Variants in GRK7 observed in about 807,000 individuals in gnomAD.
GRK7 encodes G protein-coupled receptor kinase 7.
Under a neutral mutation model 34.1 loss-of-function variants are expected in GRK7, and 24 were observed. That is an observed-to-expected ratio of 0.70 (90% CI 0.51 to 0.99). The LOEUF is 0.99. Ranked by LOEUF, GRK7 falls within the 50% of genes least tolerant of loss-of-function variation. The probability of loss-of-function intolerance (pLI) is 0.00; values close to 1 mark genes in which losing one functional copy is unlikely to be tolerated. For synonymous variants in GRK7, 256 were observed against 279.4 expected (o/e 0.92, Z 0.84); for missense variants, 644 against 707.3 (o/e 0.91, Z 1.02).
intron 4 of GRK7, among the ~76,000 whole-genome samples, chr3:141,801,077 G>A (rs552055186): frequency 1.8e-4 from 28 of 152,112 alleles, no homozygotes; most frequent in East Asian, 1.2e-3. Flanking sequence ...TTGGGAGGCC[G>A]AGGCGGGCGG....
Position 141,778,112 on chromosome 3 carries a change from C to G in GRK7, c.-113-60C>G. The G allele has an allele frequency of 1.3e-6, 1 of 746,744 alleles. No individual in the cohort carries two copies. Among genetic ancestry groups the G allele is most frequent in the South Asian group, 2.2e-5 (1 of 45,524 alleles). 46.3% of individuals were successfully genotyped at this position (746,744 alleles called of 1,614,324 possible). ...GCAGTTCCTGGCGGGCTATACATAG[C>G]CAGTCAAAGCTTCTTACAAGAGAAA... On this transcript the variant is annotated intron_variant, in intron 2 of 5. Coordinates refer to ENST00000682958, the MANE Select transcript of GRK7 (RefSeq NM_139209.3). This position sits in a 1 kb window ranked among gnomAD's most constrained non-coding sequence, Gnocchi z 4.1.
intron 4 of GRK7, among the ~76,000 whole-genome samples, chr3:141,801,460 A>G (rs1171900130): frequency 3.3e-5 from 5 of 152,084 alleles, no homozygotes; most frequent in African/African-American, 1.2e-4. Context: ...GGGAAAAAAG[A>G]CAGAGGAGGA....
intron 3 of GRK7, among the ~76,000 whole-genome samples, chr3:141,779,625 A>G (rs75428511): frequency 0.055 from 8,392 of 152,176 alleles, 234 homozygotes; most frequent in South Asian, 0.12. Context: ...TGGGTAAGCA[A>G]CACCTCAATC....
At chr3:141,767,162 G>T (rs2677424) in intron 1 of GRK7, among the ~76,000 whole-genome samples, 117,030 of 152,184 alleles carry the variant, frequency 0.77, 45,925 homozygotes, top group African/African-American at 0.92. Context: ...TCACCCCTAT[G>T]AAAGCATGTG....
chr3:141,778,413 G>T lies in GRK7; in HGVS notation c.129G>T (p.Gln43His). The change falls in exon 3 of 6, where the codon CAG becomes CAT. Residue 43 changes from glutamine to histidine, a missense_variant. By Grantham distance (24) the Gln-to-His change is conservative. Transcript: ENST00000682958. This position sits in a 1 kb window ranked among gnomAD's most constrained non-coding sequence, Gnocchi z 4.1. The stretch of plus-strand genomic sequence containing the variant: ...GTAGCCTGGCCCTGCCCGGGCTGCA[G>T]GGCTGCGCGGAGCTCCGCCAGAAGC... ...RRRSLALPGL[Q>H]GCAELRQKLS... is the part of the protein sequence containing the mutation. 1 of 1,612,768 alleles carries T rather than the reference G, an allele frequency of 6.2e-7. No individual in the cohort carries two copies. The highest frequency in any genetic ancestry group is 1.1e-5 in the South Asian group (1 of 91,060).
intron 1 of GRK7, among the ~76,000 whole-genome samples, chr3:141,766,478 C>G (rs2107870439): frequency 6.6e-6 from 1 of 152,220 alleles, no homozygotes; most frequent in Middle Eastern, 3.4e-3. Context: ...TTTCTTATAA[C>G]TTCCTTATTC....
At chr3:141,779,548 G>A (rs2084660892) in intron 3 of GRK7, among the ~76,000 whole-genome samples, 1 of 152,118 alleles carries the variant, frequency 6.6e-6, no homozygotes, top group African/African-American at 2.4e-5. Context: ...AAATTTGCTT[G>A]ATATAAAACT....
At chr3:141,799,860 C>G (rs1487947144) in intron 4 of GRK7, among the ~76,000 whole-genome samples, 2 of 152,156 alleles carry the variant, frequency 1.3e-5, no homozygotes, top group African/African-American at 4.8e-5. Flanking sequence ...ATCCTTTGTT[C>G]ATGGCAAGGT....
At position 141,778,886 on chromosome 3, in the gene GRK7, GT is replaced by G. The variant is rs546694683; in HGVS notation, c.606del (p.Phe202LeufsTer9). The G allele has an allele frequency of 1.8e-4, 282 of 1,609,198 alleles. 1 individual carries two copies. In the East Asian group the frequency reaches 6.2e-3, roughly 35 times the overall value. On this transcript the variant is annotated frameshift_variant, in exon 3 of 6. Coordinates refer to ENST00000682958, the MANE Select transcript of GRK7 (RefSeq NM_139209.3). LOFTEE classifies it high-confidence loss of function. This position sits in a 1 kb window ranked among gnomAD's most constrained non-coding sequence, Gnocchi z 4.1. ...FTEFRVLGKG[G>X]FGEVCAVQVK... ...GAGTTCAGAGTGCTGGGGAAAGGTG[GT>G]TTTGGGGAGGTAAGTGTCTCCCAGT...
At chr3:141,777,990 A>G (rs2084648219) in intron 2 of GRK7, among the ~76,000 whole-genome samples, 182 bp from the exon 3 acceptor site, 1 of 152,220 alleles carries the variant, frequency 6.6e-6, no homozygotes, top group Admixed American at 6.5e-5. Context: ...GGCTATGTGG[A>G]GAAAGACCCT....
At chr3:141,803,851 A>G (rs1161800594) in intron 4 of GRK7, among the ~76,000 whole-genome samples, 1 of 152,018 alleles carries the variant, frequency 6.6e-6, no homozygotes, top group Non-Finnish European at 1.5e-5. Context: ...CCTCCCAAGT[A>G]GCTGGGATTA....
chr3:141,816,567 T>C (rs1465930894), intron 5 of GRK7, 147 bp from the exon 6 acceptor site: 1 of 481,662 alleles, frequency 2.1e-6, no homozygotes, highest in Non-Finnish European at 3.6e-6. Context: ...AAAGTTATTA[T>C]TTTTCAGTTA....
At chr3:141,776,066 T>C (rs2084637235) in intron 2 of GRK7, among the ~76,000 whole-genome samples, 1 of 152,026 alleles carries the variant, frequency 6.6e-6, no homozygotes, top group African/African-American at 2.4e-5. Context: ...GGGCAGATCA[T>C]GAGGTCAGGA....
chr3:141,812,931 ACCTAGT>A (rs1711107651), intron 5 of GRK7, among the ~76,000 whole-genome samples: 1 of 152,118 alleles, frequency 6.6e-6, no homozygotes. Flanking sequence ...TCCCTGTGGC[ACCTAGT>A]CCCATTCCAA....
At chr3:141,815,699 C>CTGTGTGTGTGTGTGTG (rs61336912) in intron 5 of GRK7, among the ~76,000 whole-genome samples, 66 of 146,012 alleles carry the variant, frequency 4.5e-4, no homozygotes, top group South Asian at 1.1e-3. Flanking sequence ...CTATTTTGAG[C>CTGTGTGTGTGTGTGTG]TGTGTGTGTG....
chr3:141,756,376 T>C, the GRK7 span, among the ~76,000 whole-genome samples: 1 of 152,170 alleles, frequency 6.6e-6, no homozygotes, highest in South Asian at 2.1e-4. Flanking sequence ...GCTGAATCTT[T>C]ATAATCTTTA....
chr3:141,780,529 T>C lies in GRK7; in HGVS notation c.768T>C (p.Tyr256=). 1 of 1,614,252 alleles carries C rather than the reference T, an allele frequency of 6.2e-7. No individual in the cohort carries two copies. Among genetic ancestry groups the C allele is most frequent in the Non-Finnish European group, 8.5e-7 (1 of 1,180,044 alleles). ...VSSPFIVSLA[Y]AFESKTHLCL... ...GCCCTTTCATTGTCTCTCTGGCCTA[T>C]GCCTTTGAGAGCAAGACCCATCTCT... Residue 256 remains tyrosine (Y), a synonymous_variant, in exon 4 of 6, where the codon TAT becomes TAC. Transcript: ENST00000682958.
chr3:141,770,994 C>CAAAAA (rs55988355), intron 1 of GRK7, among the ~76,000 whole-genome samples: 1 of 84,766 alleles, frequency 1.2e-5, no homozygotes, highest in Non-Finnish European at 2.3e-5. Context: ...TACCCAGTCT[C>CAAAAA]AAAAAAAAAA....
intron 4 of GRK7, among the ~76,000 whole-genome samples, chr3:141,785,130 C>T (rs533785776): frequency 2.0e-5 from 3 of 152,298 alleles, no homozygotes; most frequent in East Asian, 3.9e-4. Context: ...GAAGAGGTAA[C>T]AAGGAAAAAT....
Sources: gnomAD v4.1 joint callset for allele counts (sites outside exome capture counted in the v4.1 genomes callset) on GRCh38, gnomAD v4.1.1 for gene constraint, Gnocchi (gnomAD v3.1) non-coding constraint, MANE v1.5 for transcripts, NCBI Gene and HGNC (gene_info 2026-07-23, HGNC 2026-07-21) for gene names.